Variants in GLP1R observed in about 807,000 individuals in gnomAD.
GLP1R encodes the protein glucagon like peptide 1 receptor.
A neutral mutation model predicts 68.4 loss-of-function variants in GLP1R; 32 were observed. The observed-to-expected ratio is 0.47, with a 90% CI of 0.35 to 0.63. The LOEUF (loss-of-function observed/expected upper bound fraction) is 0.63. GLP1R is among the 20% of genes least tolerant of loss of function. The probability of loss-of-function intolerance (pLI) is 0.00; values close to 1 mark genes in which losing one functional copy is unlikely to be tolerated. For missense variants in GLP1R, 502 were observed against 594.9 expected, an observed-to-expected ratio of 0.84 and a Z score of 1.62; for synonymous variants, 263 against 244.4, an observed-to-expected ratio of 1.08 and a Z score of -0.71.
chr6:39,068,334 G>C (rs1304695504), intron 5 of GLP1R, among the ~76,000 whole-genome samples: 1 of 152,188 alleles, frequency 6.6e-6, no homozygotes, highest in Non-Finnish European at 1.5e-5. Context: ...CAGCTCATGT[G>C]GCAGCTCTCA....
At chr6:39,066,168 T>G (rs202174588) in intron 4 of GLP1R, 29 bp from the exon 5 acceptor site, 48 of 1,241,836 alleles carry the variant, frequency 3.9e-5, no homozygotes, top group Non-Finnish European at 5.4e-5. Context: ...GGGCTGCCCA[T>G]GTACACGTAT....
At chr6:39,078,248 G>A (rs1338874823) in intron 7 of GLP1R, 74 bp from the exon 8 acceptor site, 1 of 1,055,302 alleles carries the variant, frequency 9.5e-7, no homozygotes, top group East Asian at 2.4e-5. Flanking sequence ...TTGGGGCAGG[G>A]AGAGGCCTCG....
intron 5 of GLP1R, among the ~76,000 whole-genome samples, chr6:39,072,246 T>C (rs1324106208): frequency 6.6e-6 from 1 of 152,216 alleles, no homozygotes; most frequent in East Asian, 1.9e-4. Flanking sequence ...GCAGGATCTG[T>C]AGTTACAATG....
chr6:39,071,854 T>G (rs1460832032), intron 5 of GLP1R, among the ~76,000 whole-genome samples: 1 of 152,208 alleles, frequency 6.6e-6, no homozygotes, highest in Non-Finnish European at 1.5e-5. Flanking sequence ...CGGAGAGACT[T>G]GACTCCTTTA....
Position 39,073,605 on chromosome 6 carries a change from C to T in GLP1R, c.664-5C>T. On this transcript the variant is annotated splice_polypyrimidine_tract_variant and splice_region_variant and intron_variant, in intron 6 of 12. Coordinates refer to ENST00000373256, the MANE Select transcript of GLP1R (RefSeq NM_002062.5). The stretch of plus-strand genomic sequence containing the variant: ...GTCCCCATGACACCCTTCCTCTACC[C>T]CCAGGACTCTCTGAGCTGCCGCCTG... 6.2e-7 allele frequency: 1 copy of T among 1,613,426 alleles called. No homozygotes were observed. Among genetic ancestry groups the T allele is most frequent in the Non-Finnish European group, 8.5e-7 (1 of 1,179,680 alleles).
In GLP1R at chr6:39,090,311, A is replaced by G. The variant is rs1485516958; in HGVS notation, c.*4238A>G. On this transcript the variant is annotated 3_prime_UTR_variant, in exon 13 of 13. Coordinates refer to ENST00000373256, the MANE Select transcript of GLP1R (RefSeq NM_002062.5). ...CATAATTGTTTTCCAATAACTCCCC[A>G]AGTCTCTTGGAATATATATGTATCT... Among the ~76,000 whole-genome samples, 1 of 152,178 alleles carries G rather than the reference A, an allele frequency of 6.6e-6. No homozygotes were observed. The highest frequency in any genetic ancestry group is 1.9e-4 in the East Asian group (1 of 5,202).
intron 5 of GLP1R, among the ~76,000 whole-genome samples, chr6:39,071,458 C>T (rs1562012268): frequency 6.6e-6 from 1 of 151,604 alleles, no homozygotes. Flanking sequence ...TTTTGCTCTT[C>T]CTTGTGGTTC....
At chr6:39,083,844 A>G (rs1769078112) in intron 12 of GLP1R, among the ~76,000 whole-genome samples, 1 of 152,112 alleles carries the variant, frequency 6.6e-6, no homozygotes, top group Admixed American at 6.5e-5. Flanking sequence ...AGGTGCTCAG[A>G]ATCTGTGGTG....
Position 39,069,667 on chromosome 6 carries a change from A to G in GLP1R, c.510-3195A>G, listed in dbSNP as rs183670610. On this transcript the variant is annotated intron_variant, in intron 5 of 12. Transcript: ENST00000373256. ...AAAAAAAAAAAGACTGAAATTTTCT[A>G]CATAGCTCTCATCTTCTTCTGAGCT... Among the ~76,000 whole-genome samples the G allele has an allele frequency of 7.2e-5, 11 of 151,770 alleles. No individual in the cohort carries two copies. The East Asian group carries it at 2.1e-3, about 29-fold the overall frequency.
Position 39,056,388 on chromosome 6 carries a change from T to C in GLP1R, c.79-9T>C, listed in dbSNP as rs763086049. 37 of 1,508,628 alleles carry C rather than the reference T, an allele frequency of 2.5e-5. No homozygotes were observed. The highest frequency in any genetic ancestry group is 2.9e-5 in the Non-Finnish European group (32 of 1,085,382). The allele number at this position is 1,508,628 out of a possible 1,614,324, so 93.5% of individuals were successfully genotyped here. ...ACCCACAGGCCTCCCATATATGCCC[T>C]CCCCCCAGGGTGCCACTGTGTCCCT... On this transcript the variant is annotated splice_polypyrimidine_tract_variant and intron_variant, in intron 1 of 12. Coordinates refer to ENST00000373256, the MANE Select transcript of GLP1R (RefSeq NM_002062.5).
chr6:39,077,909 G>A (rs931582605), intron 7 of GLP1R, among the ~76,000 whole-genome samples: 5 of 152,218 alleles, frequency 3.3e-5, no homozygotes, highest in African/African-American at 7.2e-5. Context: ...GACTGGCAAC[G>A]TGGGCTGAAG....
chr6:39,056,219 C>G (rs1019191801), intron 1 of GLP1R, among the ~76,000 whole-genome samples, 178 bp from the exon 2 acceptor site: 1 of 152,214 alleles, frequency 6.6e-6, no homozygotes, highest in African/African-American at 2.4e-5. Context: ...AACCATCCAC[C>G]TGGGGCCCCT....
intron 12 of GLP1R, among the ~76,000 whole-genome samples, chr6:39,081,594 C>T (rs1175494667): frequency 6.6e-6 from 1 of 152,170 alleles, no homozygotes; most frequent in Non-Finnish European, 1.5e-5. Context: ...AATCCCAGAG[C>T]TCAGGGATGT....
At chr6:39,072,630 A>AT (rs1413618780) in intron 5 of GLP1R, among the ~76,000 whole-genome samples, 21 of 152,214 alleles carry the variant, frequency 1.4e-4, no homozygotes, top group Admixed American at 7.2e-4. Context: ...TAGAATGTGG[A>AT]TGGGAGGAGG....
intron 3 of GLP1R, among the ~76,000 whole-genome samples, chr6:39,065,427 C>T (rs1388888612): frequency 6.6e-6 from 1 of 152,192 alleles, no homozygotes; most frequent in African/African-American, 2.4e-5. Context: ...AAACTGTGTC[C>T]TAGGGTTGCC....
chr6:39,079,975 G>A lies in GLP1R; in HGVS notation c.1182+273G>A, dbSNP rs1246379994. Among the ~76,000 whole-genome samples, 1 of 152,148 alleles carries A rather than the reference G, an allele frequency of 6.6e-6. No homozygotes were observed. The highest frequency in any genetic ancestry group is 1.9e-4 in the East Asian group (1 of 5,188). On this transcript the variant is annotated intron_variant, in intron 11 of 12. Transcript: ENST00000373256. This position sits in a 1 kb window ranked among gnomAD's most constrained non-coding sequence, Gnocchi z 4.5. ...GCATTGCAGCTGCCATCTACTTGGT[G>A]GCGAGCACCCTGCCAGGTGCTTTAC...
At chr6:39,063,894 G>A (rs1003639987) in intron 3 of GLP1R, among the ~76,000 whole-genome samples, 2 of 141,340 alleles carry the variant, frequency 1.4e-5, no homozygotes, top group African/African-American at 5.3e-5. Flanking sequence ...AGTCCCCATC[G>A]TGTACACACA....
At chr6:39,082,519 G>A (rs1018274621) in intron 12 of GLP1R, among the ~76,000 whole-genome samples, 4 of 152,262 alleles carry the variant, frequency 2.6e-5, no homozygotes, top group South Asian at 2.1e-4. Flanking sequence ...AGGACCCAGC[G>A]GCTCCGTTTG....
chr6:39,081,658 A>C (rs1255001764), intron 12 of GLP1R, among the ~76,000 whole-genome samples: 1 of 152,188 alleles, frequency 6.6e-6, no homozygotes, highest in Non-Finnish European at 1.5e-5. Context: ...GGGGATGCAG[A>C]AAGGACAGTG....
Sources: allele counts gnomAD v4.1 joint callset (sites outside exome capture counted in the v4.1 genomes callset), GRCh38; gene constraint gnomAD v4.1.1; non-coding constraint Gnocchi (gnomAD v3.1); transcripts MANE v1.5; gene names NCBI Gene and HGNC (gene_info 2026-07-23, HGNC 2026-07-21).